The following LAMA3 variants were observed in gnomAD, a reference collection of about 807,000 sequenced individuals.
LAMA3 encodes laminin subunit alpha-3.
In LAMA3, 281 loss-of-function variants were observed where a neutral mutation model predicts 402.0. The ratio of observed to expected loss-of-function variants is 0.70; its 90% confidence interval spans 0.63 to 0.77. The LOEUF is 0.77. LAMA3 is among the 30% of genes least tolerant of loss of function. The pLI is 0.00. For synonymous variants in LAMA3, 1,431 were observed against 1,558.4 expected (o/e 0.92, Z 1.93); for missense variants, 3,840 against 4,215.5 (o/e 0.91, Z 2.47).
At chr18:23,815,685 C>T in intron 17 of LAMA3, 112 bp downstream of exon 17, 1 of 787,108 alleles carries the variant, frequency 1.3e-6, no homozygotes, top group Non-Finnish European at 2.2e-6. Flanking sequence ...GATGGAATGG[C>T]CCTGAAACAT....
rs766635181 is a variant in LAMA3, at chr18:23,833,866, C to T, written c.2862C>T (p.Gly954=). The T allele has an allele frequency of 1.5e-5, 25 of 1,613,700 alleles. No homozygotes were observed. In the African/African-American group the frequency reaches 3.2e-4, roughly 21 times the overall value. The part of the protein sequence containing the change: ...LHLRLRIPQV[G]HYVVVVEYST... ...TGCGGCTGCGCATCCCACAGGTTGG[C>T]CACTACGTGGTTGTGGTCGAGTATT... The change falls in exon 24 of 75, where the codon GGC becomes GGT. Residue 954 remains glycine (G), a synonymous_variant. Coordinates refer to ENST00000313654, the MANE Select transcript of LAMA3 (RefSeq NM_198129.4).
At chr18:23,740,160 G>A (rs1032906134) in intron 2 of LAMA3, among the ~76,000 whole-genome samples, 4 of 152,120 alleles carry the variant, frequency 2.6e-5, no homozygotes, top group East Asian at 3.8e-4. Flanking sequence ...GTTGGGTTCC[G>A]GCAGACCTCA....
intron 51 of LAMA3, among the ~76,000 whole-genome samples, chr18:23,905,003 G>T (rs1437418905): frequency 2.0e-5 from 3 of 151,880 alleles, no homozygotes; most frequent in African/African-American, 7.3e-5. Context: ...GCCAAAAAGA[G>T]ATATTTTTGC....
chr18:23,801,853 CTATT>C (rs1269848027), intron 12 of LAMA3, among the ~76,000 whole-genome samples: 1 of 152,022 alleles, frequency 6.6e-6, no homozygotes, highest in African/African-American at 2.4e-5. Flanking sequence ...TTAGAAATGT[CTATT>C]TATATCCTTT....
chr18:23,749,692 A>G, intron 4 of LAMA3, 146 bp downstream of exon 4: 1 of 698,412 alleles, frequency 1.4e-6, no homozygotes, highest in East Asian at 2.6e-5. Context: ...ACAGTAAAGG[A>G]ATCACATTGA....
At chr18:23,761,675 A>G (rs967927066) in intron 7 of LAMA3, among the ~76,000 whole-genome samples, 8 of 152,222 alleles carry the variant, frequency 5.3e-5, no homozygotes, top group African/African-American at 1.7e-4. Context: ...CTCTTCGTGC[A>G]TGAAGTTTAA....
chr18:23,931,821 G>A (rs1568360143), intron 65 of LAMA3: 3 of 355,394 alleles, frequency 8.4e-6, no homozygotes, highest in South Asian at 2.3e-5. Context: ...ACTCTGTTCC[G>A]TTTCTTTTTC....
chr18:23,915,887 T>C (rs1293672947), intron 59 of LAMA3, among the ~76,000 whole-genome samples: 1 of 150,256 alleles, frequency 6.7e-6, no homozygotes, highest in Non-Finnish European at 1.5e-5. Flanking sequence ...GTGCCTGTAG[T>C]CCCAGCCTCT....
Position 23,946,137 on chromosome 18 carries a change from T to C in LAMA3, c.9211-7T>C. 6.2e-7 allele frequency: 1 copy of C among 1,613,542 alleles called. No individual in the cohort carries two copies. Among genetic ancestry groups the C allele is most frequent in the East Asian group, 2.2e-5 (1 of 44,888 alleles). ...AATACAACTCACGTATCTTTCTTAC[T>C]CTGAAGGTGGTGTTTGGCCATGATG... On this transcript the variant is annotated splice_polypyrimidine_tract_variant and splice_region_variant and intron_variant, in intron 69 of 74. Coordinates refer to ENST00000313654, the MANE Select transcript of LAMA3 (RefSeq NM_198129.4).
chr18:23,815,599 C>T, intron 17 of LAMA3, 26 bp downstream of exon 17: 2 of 1,437,158 alleles, frequency 1.4e-6, no homozygotes, highest in Admixed American at 1.7e-5. Context: ...GGGCCCTGAG[C>T]AAAGCACAGT....
rs1458842810 is a variant in LAMA3 at position 23,773,485 on chromosome 18, G to A, written c.1183-12G>A. ...AGAACCCTTCCTTTAAGTTTCTTTT[G>A]TTTCTTTCTAGCACAACACAGCTGG... On this transcript the variant is annotated splice_polypyrimidine_tract_variant and intron_variant, in intron 8 of 74. Transcript: ENST00000313654. 2 of 1,562,596 alleles carry A rather than the reference G, an allele frequency of 1.3e-6. No homozygotes were observed. Among genetic ancestry groups the A allele is most frequent in the Non-Finnish European group, 1.7e-6 (2 of 1,144,262 alleles).
At chr18:23,760,519 A>G (rs1356836305) in intron 7 of LAMA3, among the ~76,000 whole-genome samples, 1 of 152,216 alleles carries the variant, frequency 6.6e-6, no homozygotes, top group Non-Finnish European at 1.5e-5. Flanking sequence ...ATGTAATTAG[A>G]ATATAATGAA....
At chr18:23,692,165 C>T (rs1344646181) in intron 1 of LAMA3, among the ~76,000 whole-genome samples, 5 of 152,220 alleles carry the variant, frequency 3.3e-5, no homozygotes, top group Admixed American at 2.6e-4. Context: ...TCTGCCCCAT[C>T]CTTCGGTTAG....
intron 1 of LAMA3, among the ~76,000 whole-genome samples, chr18:23,706,946 C>T (rs1334113571): frequency 6.6e-6 from 1 of 152,108 alleles, no homozygotes. Context: ...GACGTGGTGG[C>T]ACATGCCTGT....
At chr18:23,746,296 G>T (rs1260655876) in intron 2 of LAMA3, among the ~76,000 whole-genome samples, 4 of 152,074 alleles carry the variant, frequency 2.6e-5, no homozygotes, top group African/African-American at 9.7e-5. Flanking sequence ...TAAGCAAAGG[G>T]GCTTCTTTGA....
Position 23,753,786 on chromosome 18 carries a change from G to A in LAMA3, c.921G>A (p.Val307=), listed in dbSNP as rs2061794440. The change falls in exon 6 of 75, where the codon GTG becomes GTA. Residue 307 remains valine (V), a synonymous_variant. Transcript: ENST00000313654. ...GQCVCNGHAE[V]CNINNPEKLF... is the part of the protein sequence containing the mutation. ...GTGTTTGCAATGGCCATGCTGAAGT[G>A]TGCAATATAAACAATCCTGAAAAAC... 1 of 1,613,702 alleles carries A rather than the reference G, an allele frequency of 6.2e-7. No individual in the cohort carries two copies. Among genetic ancestry groups the A allele is most frequent in the South Asian group, 1.1e-5 (1 of 91,064 alleles).
In LAMA3 at chr18:23,822,362, T is replaced by C. The variant is rs371968250; in HGVS notation, c.2415T>C (p.Ile805=). 2.0e-5 allele frequency: 33 copies of C among 1,613,762 alleles called. No individual in the cohort carries two copies. The African/African-American group carries it at 3.9e-4, about 19-fold the overall frequency. Residue 805 remains isoleucine (I), a synonymous_variant, in exon 20 of 75, where the codon ATT becomes ATC. Coordinates refer to ENST00000313654, the MANE Select transcript of LAMA3 (RefSeq NM_198129.4). The part of the protein sequence containing the change: ...GTEAVSGHIT[I]YPSWGAAQSK... Reference sequence around the variant, plus strand: ...AAGCAGTATCTGGCCATATAACTATTTATCCATCCTGGGGTAAGGCACGTA... The same window carrying C: ...AAGCAGTATCTGGCCATATAACTATCTATCCATCCTGGGGTAAGGCACGTA...
chr18:23,753,724 T>C lies in LAMA3; in HGVS notation c.859T>C (p.Tyr287His). Reference sequence around the variant, plus strand: ...TGTTCTGTGTTCTGTTGTGCAGTATTATTACAGCATAAAGGACATCAGCAT... The same window carrying C: ...TGTTCTGTGTTCTGTTGTGCAGTATCATTACAGCATAAAGGACATCAGCAT... ...QRDPTVTRRY[Y>H]YSIKDISIGG... Residue 287 changes from tyrosine to histidine, a missense_variant, in exon 6 of 75, where the codon TAT becomes CAT. Tyr to His is a moderately conservative substitution (Grantham distance 83). Coordinates refer to ENST00000313654, the MANE Select transcript of LAMA3 (RefSeq NM_198129.4). The C allele has an allele frequency of 5.0e-6, 8 of 1,612,510 alleles. No homozygotes were observed. The highest frequency in any genetic ancestry group is 6.8e-6 in the Non-Finnish European group (8 of 1,178,456).
intron 12 of LAMA3, among the ~76,000 whole-genome samples, chr18:23,796,915 G>A (rs191462762): frequency 8.5e-4 from 129 of 152,232 alleles, no homozygotes; most frequent in African/African-American, 3.0e-3. Context: ...CTCACCGGAA[G>A]CATGAGAGGG....
Sources: allele counts gnomAD v4.1 joint callset (sites outside exome capture counted in the v4.1 genomes callset), GRCh38; gene constraint gnomAD v4.1.1; transcripts MANE v1.5; gene names NCBI Gene and HGNC (gene_info 2026-07-23, HGNC 2026-07-21).